Variants in RICTOR observed in about 807,000 individuals in gnomAD.
RICTOR encodes the protein RPTOR independent companion of MTOR complex 2.
A neutral mutation model predicts 214.9 loss-of-function variants in RICTOR; 49 were observed. The ratio of observed to expected loss-of-function variants is 0.23; its 90% confidence interval spans 0.18 to 0.29. RICTOR has a LOEUF of 0.29. RICTOR is among the 10% of genes least tolerant of loss of function. RICTOR has a pLI of 1.00. For missense variants in RICTOR, 1,625 were observed against 2,047.0 expected, an observed-to-expected ratio of 0.79 and a Z score of 3.98; for synonymous variants, 717 against 711.3, an observed-to-expected ratio of 1.01 and a Z score of -0.13.
At chr5:38,985,757 G>A (rs906323286) in intron 7 of RICTOR, among the ~76,000 whole-genome samples, 7 of 151,554 alleles carry the variant, frequency 4.6e-5, no homozygotes, top group African/African-American at 1.2e-4. Context: ...ATGCAGTGGC[G>A]CAATCTCGGC....
intron 2 of RICTOR, among the ~76,000 whole-genome samples, chr5:39,029,289 C>T (rs528615608): frequency 6.6e-6 from 1 of 152,068 alleles, no homozygotes; most frequent in East Asian, 1.9e-4. Context: ...TTTAAACACA[C>T]ACATATACAA....
intron 2 of RICTOR, among the ~76,000 whole-genome samples, chr5:39,026,644 C>T (rs976172715): frequency 2.0e-5 from 3 of 151,878 alleles, no homozygotes; most frequent in African/African-American, 4.8e-5. Context: ...GTCCTTCCAT[C>T]GAGGAGTTGC....
In RICTOR at chr5:39,010,602, T is replaced by C. The variant is rs144738615; in HGVS notation, c.196-6980A>G. 4.7e-3 allele frequency among the ~76,000 whole-genome samples: 721 copies of C among 152,292 alleles called. 11 individuals carry two copies. The highest frequency in any genetic ancestry group is 0.017 in the African/African-American group (695 of 41,550). On this transcript the variant is annotated intron_variant, in intron 3 of 37. Coordinates refer to ENST00000357387, the MANE Select transcript of RICTOR (RefSeq NM_152756.5). ...AAATTGCTGATAGTGATATGGACAA[T>C]GAAGTCCAGGCTAAGATGGTCTGAG...
intron 2 of RICTOR, among the ~76,000 whole-genome samples, chr5:39,029,265 A>G (rs1003698321): frequency 3.3e-5 from 5 of 152,164 alleles, no homozygotes; most frequent in Non-Finnish European, 7.4e-5. Context: ...ACTAATCATA[A>G]AACACTTTAC....
At chr5:38,947,495 T>C (rs1314463869) in intron 31 of RICTOR, 54 bp from the exon 32 acceptor site, 2 of 1,288,006 alleles carry the variant, frequency 1.6e-6, no homozygotes, top group East Asian at 2.3e-5. Context: ...GTAATTTTAA[T>C]CATATGAAGA....
intron 2 of RICTOR, among the ~76,000 whole-genome samples, chr5:39,049,992 C>T (rs1174811500): frequency 6.6e-6 from 1 of 152,102 alleles, no homozygotes; most frequent in African/African-American, 2.4e-5. Flanking sequence ...TGACACTTTT[C>T]TGGAATTACT....
At chr5:38,995,537 C>T (rs1048827341) in intron 6 of RICTOR, among the ~76,000 whole-genome samples, 3 of 151,838 alleles carry the variant, frequency 2.0e-5, no homozygotes, top group African/African-American at 7.3e-5. Context: ...TAACCAAAAA[C>T]CACCTGTACC....
At chr5:39,044,729 C>A (rs13168966) in intron 2 of RICTOR, among the ~76,000 whole-genome samples, 66,921 of 151,950 alleles carry the variant, frequency 0.44, 14,812 homozygotes, top group East Asian at 0.6. Context: ...AAACTTTTAA[C>A]ATGGCAATGC....
At position 38,990,554 on chromosome 5, in the gene RICTOR, C is replaced by T. The variant is rs62359805; in HGVS notation, c.583+395G>A. On this transcript the variant is annotated intron_variant, in intron 7 of 37. Coordinates refer to ENST00000357387, the MANE Select transcript of RICTOR (RefSeq NM_152756.5). ...ATATATACGATATATACACGATATACACGATATATACACGATATATATGAT... is the reference window on the plus strand; with the variant it reads ...ATATATACGATATATACACGATATATACGATATATACACGATATATATGAT... 1.7e-3 allele frequency among the ~76,000 whole-genome samples: 97 copies of T among 56,104 alleles called. 1 individual carries two copies. Among genetic ancestry groups the T allele is most frequent in the South Asian group, 3.6e-3 (8 of 2,250 alleles). The allele number at this position is 56,104 out of a possible 152,430, so 36.8% of individuals were successfully genotyped here. A position where few individuals can be genotyped will look rare whatever the true frequency, so the allele number is the denominator to read the frequency against.
chr5:38,996,493 A>T (rs1447855091), intron 6 of RICTOR, among the ~76,000 whole-genome samples: 1 of 152,236 alleles, frequency 6.6e-6, no homozygotes, highest in Non-Finnish European at 1.5e-5. Context: ...AGAGAAAATC[A>T]GGATGGGGAG....
chr5:39,007,842 T>A (rs912506177), intron 3 of RICTOR, among the ~76,000 whole-genome samples: 8 of 150,100 alleles, frequency 5.3e-5, no homozygotes, highest in African/African-American at 1.9e-4. Flanking sequence ...TAATAGTTTT[T>A]AAATATATTG....
rs151330526 is a variant in RICTOR, at chr5:38,940,708, G to T, written c.*1596C>A. 2,466 of 232,718 alleles carry T rather than the reference G, an allele frequency of 0.011. 22 individuals are homozygous for T. The highest frequency in any genetic ancestry group is 0.015 in the Non-Finnish European group (1,764 of 117,536). The allele number at this position is 232,718 out of a possible 1,614,324, so 14.4% of individuals were successfully genotyped here. ...AATTCACTGAAGTGCAGTCAAAGAG[G>T]TGTTATGAAGTGAGATGAAATGCTT... On this transcript the variant is annotated 3_prime_UTR_variant, in exon 38 of 38. Coordinates refer to ENST00000357387, the MANE Select transcript of RICTOR (RefSeq NM_152756.5).
chr5:39,001,491 C>T (rs1753613606), intron 5 of RICTOR, among the ~76,000 whole-genome samples: 1 of 151,924 alleles, frequency 6.6e-6, no homozygotes, highest in Admixed American at 6.6e-5. Flanking sequence ...AGGAATAAAA[C>T]CTTTAAAAGA....
intron 2 of RICTOR, among the ~76,000 whole-genome samples, chr5:39,034,276 G>C (rs139651189): frequency 6.6e-6 from 1 of 152,240 alleles, no homozygotes; most frequent in Non-Finnish European, 1.5e-5. Context: ...AAGTGAGCTA[G>C]ATGTAGTTAA....
rs1217048122 is a variant in RICTOR at position 38,939,141 on chromosome 5, G to A, written c.*3163C>T. 9 of 232,898 alleles carry A rather than the reference G, an allele frequency of 3.9e-5. No individual in the cohort carries two copies. The highest frequency in any genetic ancestry group is 7.6e-5 in the Non-Finnish European group (9 of 117,668). 14.4% of individuals were successfully genotyped at this position (232,898 alleles called of 1,614,324 possible). On this transcript the variant is annotated 3_prime_UTR_variant, in exon 38 of 38. Coordinates refer to ENST00000357387, the MANE Select transcript of RICTOR (RefSeq NM_152756.5). ...ATTGCTTAATGATCTGTGCTTTAAT[G>A]TGGGGATAAAAGGCATCCTCTGAAT...
rs1197473243 is a variant in RICTOR at position 38,990,772 on chromosome 5, G to C, written c.583+177C>G. On this transcript the variant is annotated intron_variant, in intron 7 of 37. Transcript: ENST00000357387. ...GATATATGATATATATGAGATATATGATATATATGAGATATATGAGATATA... is the reference window on the plus strand; with the variant it reads ...GATATATGATATATATGAGATATATCATATATATGAGATATATGAGATATA... Among the ~76,000 whole-genome samples, 472 of 69,272 alleles carry C rather than the reference G, an allele frequency of 6.8e-3. 46 individuals carry two copies. The highest frequency in any genetic ancestry group is 7.7e-3 in the Non-Finnish European group (267 of 34,570). The allele number at this position is 69,272 out of a possible 152,430, so 45.4% of individuals were successfully genotyped here. A position where few individuals can be genotyped will look rare whatever the true frequency, so the allele number is the denominator to read the frequency against.
At chr5:39,000,550 A>G (rs1391771386) in intron 5 of RICTOR, among the ~76,000 whole-genome samples, 1 of 152,048 alleles carries the variant, frequency 6.6e-6, no homozygotes, top group Non-Finnish European at 1.5e-5. Flanking sequence ...AATAATGGTG[A>G]AATACTTAAT....
At chr5:39,047,539 A>G (rs1561060774) in intron 2 of RICTOR, among the ~76,000 whole-genome samples, 1 of 152,048 alleles carries the variant, frequency 6.6e-6, no homozygotes, top group Non-Finnish European at 1.5e-5. Flanking sequence ...TATTTTACTA[A>G]CCTCTTACGT....
rs1490091215 is a variant in RICTOR, at chr5:38,945,612, T to C, written c.4512A>G (p.Leu1504=). The C allele has an allele frequency of 6.2e-7, 1 of 1,613,066 alleles. No individual in the cohort carries two copies. Among genetic ancestry groups the C allele is most frequent in the Non-Finnish European group, 8.5e-7 (1 of 1,179,130 alleles). The change falls in exon 34 of 38, where the codon TTA becomes TTG. Residue 1504 remains leucine, a synonymous_variant. Coordinates refer to ENST00000357387, the MANE Select transcript of RICTOR (RefSeq NM_152756.5). ...NSIHSDASLF[L]ESTEDTGLQE... is the part of the protein sequence containing the mutation. ...GTAGTCCAGTGTCTTCTGTACTTTCTAAAAACAGAGAGGCATCTGAATGGA... is the reference window on the plus strand; with the variant it reads ...GTAGTCCAGTGTCTTCTGTACTTTCCAAAAACAGAGAGGCATCTGAATGGA...
Sources: gnomAD v4.1 joint callset for allele counts (sites outside exome capture counted in the v4.1 genomes callset) on GRCh38, gnomAD v4.1.1 for gene constraint, MANE v1.5 for transcripts, NCBI Gene and HGNC (gene_info 2026-07-23, HGNC 2026-07-21) for gene names.